KATNAL2: variants seen among roughly 807,000 people sequenced by gnomAD.
KATNAL2 encodes the protein katanin p60 ATPase-containing subunit A-like 2.
A neutral mutation model predicts 76.3 loss-of-function variants in KATNAL2; 52 were observed. The observed-to-expected ratio is 0.68, with a 90% CI of 0.55 to 0.86. The LOEUF (loss-of-function observed/expected upper bound fraction) is 0.86, where lower values mean the gene tolerates loss of function less well. KATNAL2 is among the 40% of genes least tolerant of loss of function. The pLI, the probability that KATNAL2 is intolerant of heterozygous loss-of-function variation, is 0.00. For synonymous variants in KATNAL2, 243 were observed against 244.2 expected, an observed-to-expected ratio of 1.00 and a Z score of 0.05; for missense variants, 660 against 668.9, an observed-to-expected ratio of 0.99 and a Z score of 0.15.
intron 6 of KATNAL2, among the ~76,000 whole-genome samples, chr18:47,057,228 C>G (rs996854013): frequency 3.9e-5 from 6 of 152,218 alleles, no homozygotes; most frequent in Non-Finnish European, 7.3e-5. Context: ...AGACTTGCTT[C>G]TAACGAACCT....
Position 47,077,402 on chromosome 18 carries a change from G to A in KATNAL2, c.1152G>A (p.Met384Ile). 5 of 1,614,094 alleles carry A rather than the reference G, an allele frequency of 3.1e-6. No individual in the cohort carries two copies. Among genetic ancestry groups the A allele is most frequent in the Non-Finnish European group, 4.2e-6 (5 of 1,179,940 alleles). The part of the protein sequence containing the change: ...LRMKTELLVQ[M>I]DGLARSEDLV... ...TGAAGACAGAGTTACTGGTGCAGAT[G>A]GATGGGCTGGCACGCTCAGAAGATC... The change falls in exon 15 of 18, where the codon ATG (methionine) becomes ATA (isoleucine). Residue 384 changes from methionine (M) to isoleucine (I), a missense_variant. Met to Ile is a conservative substitution (Grantham distance 10). Coordinates refer to ENST00000683218, the MANE Select transcript of KATNAL2 (RefSeq NM_001387690.1).
chr18:46,946,644 A>T, intron 2 of KATNAL2, 98 bp downstream of exon 2: 1 of 826,040 alleles, frequency 1.2e-6, no homozygotes, highest in Non-Finnish European at 1.5e-6. Context: ...TCCCTCTTCG[A>T]TCTCTTCATT....
At chr18:47,082,482 T>TAAA (rs2062574791) in intron 15 of KATNAL2, among the ~76,000 whole-genome samples, 1 of 152,220 alleles carries the variant, frequency 6.6e-6, no homozygotes, top group Non-Finnish European at 1.5e-5. Context: ...TCACAATGTT[T>TAAA]ATTAAAAAAA....
intron 14 of KATNAL2, 59 bp downstream of exon 14, chr18:47,075,427 T>TTG: frequency 8.0e-7 from 1 of 1,254,412 alleles, no homozygotes; most frequent in South Asian, 2.1e-5. Context: ...TTCTCCCCTC[T>TTG]TGTGTGTTTG....
At chr18:47,086,711 A>G (rs540500809) in intron 15 of KATNAL2, among the ~76,000 whole-genome samples, 4 of 152,258 alleles carry the variant, frequency 2.6e-5, no homozygotes, top group Non-Finnish European at 5.9e-5. Context: ...CCACACAATA[A>G]TATCAAGCCC....
At chr18:47,065,737 A>G (rs1416035140) in intron 10 of KATNAL2, among the ~76,000 whole-genome samples, 1 of 152,162 alleles carries the variant, frequency 6.6e-6, no homozygotes, top group Non-Finnish European at 1.5e-5. Context: ...TAATCTCAGC[A>G]CTTTGGGAGG....
At chr18:47,025,094 A>G (rs2060265576) in intron 3 of KATNAL2, among the ~76,000 whole-genome samples, 2 of 95,102 alleles carry the variant, frequency 2.1e-5, no homozygotes, top group Admixed American at 1.1e-4. Context: ...TCCCTCTAGC[A>G]TCTCCCCCCC....
chr18:47,058,438 G>A (rs1658531551), intron 7 of KATNAL2, 86 bp downstream of exon 7: 1 of 773,026 alleles, frequency 1.3e-6, no homozygotes, highest in Non-Finnish European at 2.2e-6. Flanking sequence ...TTTATTTTTT[G>A]AGGACCTACG....
At chr18:47,054,029 G>A (rs142951592) in intron 5 of KATNAL2, among the ~76,000 whole-genome samples, 15 of 152,246 alleles carry the variant, frequency 9.9e-5, no homozygotes, top group Admixed American at 2.6e-4. Flanking sequence ...TGCCAGATTC[G>A]TGCAATCATC....
At chr18:47,069,652 G>T in intron 13 of KATNAL2, 52 bp downstream of exon 13, 6 of 1,199,336 alleles carry the variant, frequency 5.0e-6, no homozygotes, top group Non-Finnish European at 6.1e-6. Context: ...TAATACAGTG[G>T]TACAAAATGA....
intron 3 of KATNAL2, among the ~76,000 whole-genome samples, chr18:46,960,825 C>G (rs899873321): frequency 6.6e-6 from 1 of 152,166 alleles, no homozygotes; most frequent in Non-Finnish European, 1.5e-5. Flanking sequence ...AACTGATTTG[C>G]AAGTAACTAA....
At chr18:47,074,035 C>G (rs1417174571) in intron 13 of KATNAL2, among the ~76,000 whole-genome samples, 2 of 152,168 alleles carry the variant, frequency 1.3e-5, no homozygotes, top group African/African-American at 2.4e-5. Flanking sequence ...TAGATTGCCA[C>G]TGTCGTAATC....
intron 3 of KATNAL2, among the ~76,000 whole-genome samples, chr18:47,031,139 C>T (rs373602664): frequency 7.5e-6 from 1 of 133,972 alleles, no homozygotes; most frequent in Non-Finnish European, 1.6e-5. Flanking sequence ...AGGATCCTGC[C>T]GGTAGAGCCA....
Position 47,063,361 on chromosome 18 carries a change from G to A in KATNAL2, c.726G>A (p.Arg242=), listed in dbSNP as rs2061694011. ...EMRELAAVVS[R]DIYLHNPNIK... is the part of the protein sequence containing the mutation. ...GAGAATTGGCAGCCGTGGTGAGCCG[G>A]GTAAGATCTGATATTCAATTCACAA... Residue 242 remains arginine (R), a splice_region_variant and synonymous_variant, in exon 10 of 18, where the codon CGG becomes CGA. Transcript: ENST00000683218. 6.2e-7 allele frequency: 1 copy of A among 1,612,998 alleles called. No individual in the cohort carries two copies. Among genetic ancestry groups the A allele is most frequent in the Admixed American group, 1.7e-5 (1 of 59,922 alleles).
chr18:47,031,231 G>C (rs1221911605), intron 3 of KATNAL2, among the ~76,000 whole-genome samples: 1 of 151,216 alleles, frequency 6.6e-6, no homozygotes, highest in Non-Finnish European at 1.5e-5. Context: ...CCTCGGAAAG[G>C]CTTGCTCTGG....
At chr18:46,949,379 A>G (rs1379486583) in intron 3 of KATNAL2, among the ~76,000 whole-genome samples, 1 of 151,918 alleles carries the variant, frequency 6.6e-6, no homozygotes, top group Non-Finnish European at 1.5e-5. Flanking sequence ...CAACCTCCCA[A>G]GTAGCTGGAA....
At chr18:46,918,251 T>C (rs2058233181) in intron 1 of KATNAL2, among the ~76,000 whole-genome samples, 1 of 152,176 alleles carries the variant, frequency 6.6e-6, no homozygotes, top group African/African-American at 2.4e-5. Flanking sequence ...TGAGTCAAGA[T>C]GGCCAGAAAA....
chr18:47,079,115 AC>A (rs1278784157), intron 15 of KATNAL2, among the ~76,000 whole-genome samples: 1 of 151,852 alleles, frequency 6.6e-6, no homozygotes, highest in African/African-American at 2.4e-5. Flanking sequence ...TTCCAGCACC[AC>A]CCCCTGCCAC....
intron 8 of KATNAL2, 59 bp downstream of exon 8, chr18:47,059,713 T>C (rs746708527): frequency 8.3e-7 from 1 of 1,206,064 alleles, no homozygotes; most frequent in East Asian, 2.4e-5. Flanking sequence ...CTTTTAAACA[T>C]GAAAACAAAA....
Sources: allele counts gnomAD v4.1 joint callset (sites outside exome capture counted in the v4.1 genomes callset), GRCh38; gene constraint gnomAD v4.1.1; transcripts MANE v1.5; gene names NCBI Gene and HGNC (gene_info 2026-07-23, HGNC 2026-07-21).